C19orf38: variants seen among roughly 807,000 people sequenced by gnomAD.
C19orf38 encodes chromosome 19 open reading frame 38.
C19orf38 carries 14 observed loss-of-function variants against 26.6 expected under a neutral mutation model. That is an observed-to-expected ratio of 0.53 (90% CI 0.35 to 0.82). The LOEUF is 0.82. Among genes scored for constraint, C19orf38 ranks in the 40% least tolerant of loss-of-function variants. The pLI is 0.01. For missense variants in C19orf38, 261 were observed against 299.5 expected, an observed-to-expected ratio of 0.87 and a Z score of 0.95; for synonymous variants, 132 against 128.5, an observed-to-expected ratio of 1.03 and a Z score of -0.18.
chr19:10,865,200 G>A (rs553171334), intron 6 of C19orf38, among the ~76,000 whole-genome samples: 2 of 152,256 alleles, frequency 1.3e-5, no homozygotes, highest in Admixed American at 6.5e-5. Flanking sequence ...CACCCAGGCT[G>A]GAGTGCAGTG....
intron 1 of C19orf38, among the ~76,000 whole-genome samples, chr19:10,841,136 T>C (rs1405186879): frequency 1.3e-5 from 2 of 152,098 alleles, no homozygotes; most frequent in East Asian, 3.8e-4. Context: ...AGGAGGTTTT[T>C]TAAACACATA....
In C19orf38 at chr19:10,869,439, G is replaced by A. The variant is rs2073782719; in HGVS notation, c.*72G>A. ...GAGGTCCCTCCAGCTACTTCTGGGG[G>A]GGCTCTGTCAGCCACTTTCTCAGGG... On this transcript the variant is annotated 3_prime_UTR_variant, in exon 7 of 7. Transcript: ENST00000397820. 6.8e-7 allele frequency: 1 copy of A among 1,463,222 alleles called. No individual in the cohort carries two copies. Among genetic ancestry groups the A allele is most frequent in the Non-Finnish European group, 9.0e-7 (1 of 1,105,418 alleles). 90.6% of individuals were successfully genotyped at this position (1,463,222 alleles called of 1,614,324 possible).
chr19:10,841,781 T>TG (rs2073479724), intron 1 of C19orf38: 1 of 927,858 alleles, frequency 1.1e-6, no homozygotes. Context: ...CCGACTAGCC[T>TG]GGGCAGCATA....
chr19:10,864,013 C>T (rs563420734), intron 6 of C19orf38, among the ~76,000 whole-genome samples: 2 of 152,264 alleles, frequency 1.3e-5, no homozygotes, highest in East Asian at 3.9e-4. Context: ...AAATCCCAGC[C>T]CTGACACTGT....
upstream of C19orf38, among the ~76,000 whole-genome samples, chr19:10,846,875 A>G (rs2073522677): frequency 6.6e-6 from 1 of 152,202 alleles, no homozygotes; most frequent in African/African-American, 2.4e-5. Context: ...GGGCCTGGAA[A>G]GTTTTCCCAG....
chr19:10,843,831 C>T (rs1039940803), upstream of C19orf38, among the ~76,000 whole-genome samples: 1 of 152,136 alleles, frequency 6.6e-6, no homozygotes, highest in Non-Finnish European at 1.5e-5. Flanking sequence ...GTTAAGATAT[C>T]ATGAAGGCTG....
intron 2 of C19orf38, among the ~76,000 whole-genome samples, chr19:10,851,517 T>A (rs927450272): frequency 1.3e-5 from 2 of 152,064 alleles, no homozygotes; most frequent in Admixed American, 1.3e-4. Flanking sequence ...ATTTAAAAAA[T>A]TATTTTAGAG....
At chr19:10,850,641 C>T (rs2073563613) in intron 2 of C19orf38, 74 bp downstream of exon 2, 14 of 1,458,694 alleles carry the variant, frequency 9.6e-6, no homozygotes, top group South Asian at 4.9e-5. Context: ...GTACTGTTGA[C>T]TCAGAGGCCT....
chr19:10,856,193 G>A, intron 2 of C19orf38, 72 bp from the exon 3 acceptor site: 3 of 1,223,974 alleles, frequency 2.5e-6, no homozygotes, highest in Non-Finnish European at 3.5e-6. Context: ...TATGGGGTAA[G>A]GGCTGGCTAC....
At chr19:10,864,982 G>A (rs569202906) in intron 6 of C19orf38, among the ~76,000 whole-genome samples, 8 of 152,262 alleles carry the variant, frequency 5.3e-5, no homozygotes, top group African/African-American at 1.9e-4. Context: ...AGGGGGCTTG[G>A]CACGGGCCTG....
intron 5 of C19orf38, among the ~76,000 whole-genome samples, chr19:10,862,751 C>G (rs987046596): frequency 6.6e-6 from 1 of 152,006 alleles, no homozygotes; most frequent in Non-Finnish European, 1.5e-5. Context: ...ATCACTTGAA[C>G]CCAGGAGGCG....
intron 5 of C19orf38, among the ~76,000 whole-genome samples, chr19:10,862,777 C>T (rs983610800): frequency 6.6e-6 from 1 of 151,878 alleles, no homozygotes; most frequent in Non-Finnish European, 1.5e-5. Flanking sequence ...TGCATTGAGC[C>T]GAGATCCTGT....
At chr19:10,842,666 G>C (rs2073486939) in intron 1 of C19orf38, among the ~76,000 whole-genome samples, 1 of 152,168 alleles carries the variant, frequency 6.6e-6, no homozygotes. Flanking sequence ...GAGCCCAGGA[G>C]GTTGAGGCTG....
intron 3 of C19orf38, among the ~76,000 whole-genome samples, chr19:10,857,362 ATATAT>A (rs1416086425): frequency 6.7e-4 from 55 of 81,604 alleles, no homozygotes; most frequent in Non-Finnish European, 9.3e-4. Flanking sequence ...ATATATATAT[ATATAT>A]TTTTTTTTTT....
At chr19:10,856,954 A>G (rs896268538) in intron 3 of C19orf38, among the ~76,000 whole-genome samples, 4 of 151,278 alleles carry the variant, frequency 2.6e-5, no homozygotes, top group Admixed American at 1.3e-4. Flanking sequence ...GTGCCACCAC[A>G]TGCAGCTAAT....
rs529990126 is a variant in C19orf38, at chr19:10,857,537, C to G, written c.434-779C>G. Among the ~76,000 whole-genome samples, 4 of 150,290 alleles carry G rather than the reference C, an allele frequency of 2.7e-5. No homozygotes were observed. In the East Asian group the frequency reaches 8.0e-4, roughly 30 times the overall value. On this transcript the variant is annotated intron_variant, in intron 3 of 6. Coordinates refer to ENST00000397820, the MANE Select transcript of C19orf38 (RefSeq NM_001136482.3). Reference sequence around the variant, plus strand: ...AAAGTGATTCTCCTGCCTCAGCCTCCCGAGTAGCTGGGACTACAGGTGCGT... The same window carrying G: ...AAAGTGATTCTCCTGCCTCAGCCTCGCGAGTAGCTGGGACTACAGGTGCGT...
At chr19:10,866,562 C>G (rs1161550566) in intron 6 of C19orf38, among the ~76,000 whole-genome samples, 1 of 151,696 alleles carries the variant, frequency 6.6e-6, no homozygotes, top group Non-Finnish European at 1.5e-5. Flanking sequence ...GTGGTACGAT[C>G]TTGGCTTGCT....
chr19:10,846,690 AC>A (rs2073521235), upstream of C19orf38, among the ~76,000 whole-genome samples: 1 of 152,182 alleles, frequency 6.6e-6, no homozygotes, highest in South Asian at 2.1e-4. Context: ...ATCACTACAG[AC>A]CCTACAGACA....
intron 6 of C19orf38, among the ~76,000 whole-genome samples, chr19:10,868,437 A>T (rs548014013): frequency 1.3e-5 from 2 of 152,342 alleles, no homozygotes; most frequent in African/African-American, 4.8e-5. Flanking sequence ...TCCAAGGCAG[A>T]GGAGGAGGTA....
Sources: allele counts gnomAD v4.1 joint callset (sites outside exome capture counted in the v4.1 genomes callset), GRCh38; gene constraint gnomAD v4.1.1; transcripts MANE v1.5; gene names NCBI Gene and HGNC (gene_info 2026-07-23, HGNC 2026-07-21).